The following TAFA1 variants were observed in gnomAD, a reference collection of about 807,000 sequenced individuals.
TAFA1 encodes chemokine-like protein TAFA-1.
TAFA1 carries 4 observed loss-of-function variants against 18.5 expected under a neutral mutation model. The observed-to-expected ratio is 0.22, with a 90% CI of 0.11 to 0.49. The LOEUF (loss-of-function observed/expected upper bound fraction) is 0.49, where lower values mean the gene tolerates loss of function less well. Ranked by LOEUF, TAFA1 falls within the 20% of genes least tolerant of loss-of-function variation. TAFA1 has a pLI of 0.98. For missense variants in TAFA1, 147 were observed against 169.0 expected (o/e 0.87, Z 0.72); for synonymous variants, 56 against 55.2 (o/e 1.01, Z -0.06).
chr3:68,003,377 C>T (rs1704305704), upstream of TAFA1, among the ~76,000 whole-genome samples: 3 of 152,122 alleles, frequency 2.0e-5, no homozygotes, highest in Admixed American at 2.0e-4. Flanking sequence ...TGAGAACTAC[C>T]TTGATTTTGA....
intron 2 of TAFA1, among the ~76,000 whole-genome samples, chr3:68,351,228 T>G (rs1024896961): frequency 2.6e-5 from 4 of 152,102 alleles, no homozygotes; most frequent in African/African-American, 9.7e-5. Context: ...CCAAAGTTAC[T>G]TAATTAAAAG....
intron 2 of TAFA1, among the ~76,000 whole-genome samples, chr3:68,170,863 AACACACAC>A (rs71112619): frequency 6.8e-6 from 1 of 146,156 alleles, no homozygotes; most frequent in Non-Finnish European, 1.5e-5. Flanking sequence ...CACACACAGA[AACACACAC>A]ACACACACAC....
intron 3 of TAFA1, among the ~76,000 whole-genome samples, chr3:68,516,373 AGGG>A (rs1315787031): frequency 6.6e-6 from 1 of 152,176 alleles, no homozygotes; most frequent in Non-Finnish European, 1.5e-5. Context: ...CTTTTCATCA[AGGG>A]GACAGTGTGG....
At chr3:68,026,525 C>A (rs531718619) in intron 2 of TAFA1, among the ~76,000 whole-genome samples, 1 of 152,144 alleles carries the variant, frequency 6.6e-6, no homozygotes, top group African/African-American at 2.4e-5. Flanking sequence ...TGTGCCCTAC[C>A]CTAAGCACTG....
chr3:68,063,050 G>C (rs2064625677), intron 2 of TAFA1, among the ~76,000 whole-genome samples: 1 of 152,122 alleles, frequency 6.6e-6, no homozygotes. Context: ...ACTGTATCCA[G>C]ATTAAAAAAA....
chr3:68,252,897 A>G (rs754662659), intron 2 of TAFA1, among the ~76,000 whole-genome samples: 16 of 152,152 alleles, frequency 1.1e-4, no homozygotes, highest in Non-Finnish European at 2.2e-4. Context: ...TTCTCATGAT[A>G]GTGAATAAGT....
At chr3:68,229,116 G>A (rs1238952792) in intron 2 of TAFA1, among the ~76,000 whole-genome samples, 1 of 152,108 alleles carries the variant, frequency 6.6e-6, no homozygotes, top group East Asian at 1.9e-4. Context: ...CTTGGCTATG[G>A]ACTTGTGATT....
intron 2 of TAFA1, among the ~76,000 whole-genome samples, chr3:68,323,800 G>A (rs2068730277): frequency 6.6e-6 from 1 of 152,142 alleles, no homozygotes. Context: ...TGAAACATAT[G>A]GAACTTTAGC....
At chr3:68,249,292 G>A (rs1057425567) in intron 2 of TAFA1, among the ~76,000 whole-genome samples, 1 of 152,072 alleles carries the variant, frequency 6.6e-6, no homozygotes. Flanking sequence ...CCTCACTACC[G>A]GGCAGACCCT....
At chr3:68,432,791 T>C (rs1016311234) in intron 3 of TAFA1, among the ~76,000 whole-genome samples, 2 of 152,012 alleles carry the variant, frequency 1.3e-5, no homozygotes, top group African/African-American at 4.8e-5. Flanking sequence ...GGAAATGAAA[T>C]ATCTCATATG....
intron 2 of TAFA1, among the ~76,000 whole-genome samples, chr3:68,402,747 T>A (rs983070315): frequency 6.6e-6 from 1 of 152,168 alleles, no homozygotes; most frequent in Non-Finnish European, 1.5e-5. Context: ...TTGGATGAGG[T>A]ATGCATGCAC....
intron 3 of TAFA1, among the ~76,000 whole-genome samples, chr3:68,483,883 T>C (rs1055681785): frequency 2.6e-5 from 4 of 152,228 alleles, no homozygotes; most frequent in Admixed American, 6.5e-5. Flanking sequence ...AAGTCACTTA[T>C]AGCTCTTTAG....
chr3:68,459,011 A>G (rs1175001954), intron 3 of TAFA1, among the ~76,000 whole-genome samples: 1 of 152,210 alleles, frequency 6.6e-6, no homozygotes, highest in Non-Finnish European at 1.5e-5. Context: ...GAATTGTGGT[A>G]CAGTCATTGC....
intron 2 of TAFA1, among the ~76,000 whole-genome samples, chr3:68,287,569 A>T (rs982885339): frequency 1.6e-4 from 25 of 152,030 alleles, no homozygotes; most frequent in African/African-American, 6.0e-4. Flanking sequence ...CCCTGTGAGA[A>T]CCTTCTCACC....
At chr3:68,129,378 T>G (rs1242418886) in intron 2 of TAFA1, among the ~76,000 whole-genome samples, 1 of 152,222 alleles carries the variant, frequency 6.6e-6, no homozygotes, top group Non-Finnish European at 1.5e-5. Flanking sequence ...AGTACACTTT[T>G]TGGTTACACA....
At position 68,363,505 on chromosome 3, in the gene TAFA1, C is replaced by G. The variant is rs942528682; in HGVS notation, c.119-53775C>G. 2.0e-5 allele frequency among the ~76,000 whole-genome samples: 3 copies of G among 152,166 alleles called. No individual in the cohort carries two copies. The East Asian group carries it at 5.8e-4, about 29-fold the overall frequency. On this transcript the variant is annotated intron_variant, in intron 2 of 4. Transcript: ENST00000478136. ...CTTTTCTAAGGCCTCCCAGCTAATA[C>G]ATGGAAAATGGGAATTCAAAGTCCG... is the stretch of plus-strand genomic sequence containing the variant.
At chr3:68,263,030 G>A (rs1468545445) in intron 2 of TAFA1, among the ~76,000 whole-genome samples, 1 of 152,142 alleles carries the variant, frequency 6.6e-6, no homozygotes, top group Non-Finnish European at 1.5e-5. Flanking sequence ...ATAGAACACA[G>A]CATTTTCTGT....
chr3:68,379,765 TA>T (rs914301588), intron 2 of TAFA1, among the ~76,000 whole-genome samples: 1 of 151,454 alleles, frequency 6.6e-6, no homozygotes, highest in Admixed American at 6.6e-5. Context: ...TTTTTTTTTT[TA>T]AATTTTATTA....
At chr3:68,241,184 A>G (rs1389349087) in intron 2 of TAFA1, among the ~76,000 whole-genome samples, 2 of 152,168 alleles carry the variant, frequency 1.3e-5, no homozygotes, top group Non-Finnish European at 2.9e-5. Flanking sequence ...TATATTTTTC[A>G]TAAAATTGCA....
Sources: allele counts gnomAD v4.1 joint callset (sites outside exome capture counted in the v4.1 genomes callset), GRCh38; gene constraint gnomAD v4.1.1; transcripts MANE v1.5; gene names NCBI Gene and HGNC (gene_info 2026-07-23, HGNC 2026-07-21).